The following EHBP1 variants were observed in gnomAD, a reference collection of about 807,000 sequenced individuals.
EHBP1 encodes EH domain-binding protein 1.
A neutral mutation model predicts 144.0 loss-of-function variants in EHBP1; 55 were observed. That is an observed-to-expected ratio of 0.38 (90% confidence interval 0.31 to 0.48). The LOEUF is 0.48. Ranked by LOEUF, EHBP1 falls within the 20% of genes least tolerant of loss-of-function variation. EHBP1 has a pLI of 0.98. For synonymous variants in EHBP1, 469 were observed against 472.7 expected, an observed-to-expected ratio of 0.99 and a Z score of 0.10; for missense variants, 1,200 against 1,364.2, an observed-to-expected ratio of 0.88 and a Z score of 1.90.
intron 5 of EHBP1, among the ~76,000 whole-genome samples, chr2:62,814,299 C>G (rs2152543835): frequency 6.6e-6 from 1 of 152,320 alleles, no homozygotes; most frequent in Admixed American, 6.5e-5. Context: ...GCTCTCTTGT[C>G]CTTTGGCATT....
chr2:62,722,966 G>C (rs1008811974), intron 2 of EHBP1, among the ~76,000 whole-genome samples: 1 of 152,194 alleles, frequency 6.6e-6, no homozygotes, highest in Non-Finnish European at 1.5e-5. Context: ...GTGGAGATGA[G>C]AAGAATGTAT....
chr2:62,980,109 G>A (rs1028348490), intron 15 of EHBP1, among the ~76,000 whole-genome samples: 6 of 152,218 alleles, frequency 3.9e-5, no homozygotes, highest in South Asian at 2.1e-4. Flanking sequence ...GTGAAGACTC[G>A]AATAAGACCT....
At chr2:62,805,428 G>A (rs2044363463) in intron 5 of EHBP1, among the ~76,000 whole-genome samples, 1 of 149,866 alleles carries the variant, frequency 6.7e-6, no homozygotes, top group South Asian at 2.1e-4. Context: ...TATCTTTGGT[G>A]GACTTATGTA....
chr2:63,045,387 T>G lies in EHBP1; in HGVS notation c.3393-23T>G. 1 of 1,609,306 alleles carries G rather than the reference T, an allele frequency of 6.2e-7. No homozygotes were observed. The highest frequency in any genetic ancestry group is 8.5e-7 in the Non-Finnish European group (1 of 1,175,618). On this transcript the variant is annotated intron_variant, in intron 22 of 22. Transcript: ENST00000431489. This position sits in a 1 kb window ranked among gnomAD's most constrained non-coding sequence, Gnocchi z 5.7. ...AAGAAAAATAATTTTGTTTCCTGTTTGTCCTGTTTGTCTGACATCCAGGGC... is the reference window on the plus strand; with the variant it reads ...AAGAAAAATAATTTTGTTTCCTGTTGGTCCTGTTTGTCTGACATCCAGGGC...
chr2:62,674,791 G>T (rs1225538072), intron 1 of EHBP1, among the ~76,000 whole-genome samples: 2 of 152,144 alleles, frequency 1.3e-5, no homozygotes, highest in Non-Finnish European at 2.9e-5. Flanking sequence ...GAGTCTTAGA[G>T]CTTTTCTTTA....
chr2:62,980,800 A>G (rs897153948), intron 15 of EHBP1, among the ~76,000 whole-genome samples: 1 of 150,682 alleles, frequency 6.6e-6, no homozygotes, highest in African/African-American at 2.4e-5. Context: ...GCAACATCAC[A>G]GGACCCTATT....
chr2:62,783,834 CA>C (rs2042626197), intron 5 of EHBP1, among the ~76,000 whole-genome samples: 1 of 152,218 alleles, frequency 6.6e-6, no homozygotes, highest in Admixed American at 6.5e-5. Context: ...TTAGTCTCCT[CA>C]TTACTTATGC....
intron 10 of EHBP1, among the ~76,000 whole-genome samples, chr2:62,920,354 C>T (rs2054974963): frequency 6.6e-6 from 1 of 152,028 alleles, no homozygotes; most frequent in South Asian, 2.1e-4. Flanking sequence ...AAACTGCCAA[C>T]CAAGAATCCT....
chr2:62,722,041 T>C (rs1239242265), intron 2 of EHBP1, among the ~76,000 whole-genome samples: 1 of 152,242 alleles, frequency 6.6e-6, no homozygotes, highest in Admixed American at 6.5e-5. Context: ...CTATTTTGTA[T>C]GTAATTTTTT....
At chr2:62,964,944 A>G (rs183138641) in intron 14 of EHBP1, 7 of 152,818 alleles carry the variant, frequency 4.6e-5, no homozygotes, top group Admixed American at 4.6e-4. Context: ...TTAGTAGATC[A>G]GAGCAGTAAT....
intron 19 of EHBP1, among the ~76,000 whole-genome samples, chr2:63,033,597 GATTA>G (rs1299941792): frequency 3.3e-5 from 5 of 152,212 alleles, no homozygotes; most frequent in East Asian, 1.9e-4. Flanking sequence ...TATGGTGAAA[GATTA>G]ATTAGGAAAA....
intron 10 of EHBP1, among the ~76,000 whole-genome samples, chr2:62,912,195 ATGT>A (rs1356829186): frequency 1.3e-5 from 2 of 152,104 alleles, no homozygotes; most frequent in Non-Finnish European, 2.9e-5. Context: ...ATTAAATCCT[ATGT>A]TGTTGTGATT....
chr2:62,755,918 T>G (rs1334007786), intron 3 of EHBP1, among the ~76,000 whole-genome samples: 3 of 152,092 alleles, frequency 2.0e-5, no homozygotes, highest in African/African-American at 7.2e-5. Context: ...AAAAATTAGA[T>G]AGCAATTATT....
chr2:62,991,310 T>C (rs973677171), intron 16 of EHBP1, among the ~76,000 whole-genome samples: 2 of 150,768 alleles, frequency 1.3e-5, no homozygotes, highest in Non-Finnish European at 3.0e-5. Context: ...TAAATATCAA[T>C]ATGGTAATCA....
chr2:62,704,968 G>A (rs141766327), upstream of EHBP1, among the ~76,000 whole-genome samples: 1 of 152,126 alleles, frequency 6.6e-6, no homozygotes, highest in Non-Finnish European at 1.5e-5. Flanking sequence ...GTCCGACAGC[G>A]AAGAGGAAAC....
intron 5 of EHBP1, among the ~76,000 whole-genome samples, chr2:62,806,432 G>A (rs948395044): frequency 4.0e-5 from 6 of 151,852 alleles, no homozygotes; most frequent in South Asian, 2.1e-4. Flanking sequence ...ATGCAGTGGC[G>A]CAATCACAGT....
At chr2:62,832,227 A>G (rs1027146908) in intron 7 of EHBP1, among the ~76,000 whole-genome samples, 2 of 152,170 alleles carry the variant, frequency 1.3e-5, no homozygotes, top group Non-Finnish European at 2.9e-5. Flanking sequence ...AATAAAATTC[A>G]AAAGTCTCTT....
At chr2:62,879,009 C>A (rs550180383) in intron 10 of EHBP1, among the ~76,000 whole-genome samples, 1 of 148,588 alleles carries the variant, frequency 6.7e-6, no homozygotes, top group Non-Finnish European at 1.5e-5. Context: ...CAGTGTGAGA[C>A]GCTGTCTCAA....
chr2:62,683,975 C>T (rs1364468099), intron 1 of EHBP1, among the ~76,000 whole-genome samples: 1 of 152,094 alleles, frequency 6.6e-6, no homozygotes, highest in African/African-American at 2.4e-5. Context: ...GTCTTTAGTC[C>T]AAGAAGAGGT....
Sources: gnomAD v4.1 joint callset for allele counts (sites outside exome capture counted in the v4.1 genomes callset) on GRCh38, gnomAD v4.1.1 for gene constraint, Gnocchi (gnomAD v3.1) non-coding constraint, MANE v1.5 for transcripts, NCBI Gene and HGNC (gene_info 2026-07-23, HGNC 2026-07-21) for gene names.